BICD1: variants seen among roughly 807,000 people sequenced by gnomAD.
BICD1 encodes protein bicaudal D homolog 1.
In BICD1, 35 loss-of-function variants were observed where a neutral mutation model predicts 92.5. The observed-to-expected ratio is 0.38, with a 90% CI of 0.29 to 0.50. BICD1 has a LOEUF of 0.50. Ranked by LOEUF, BICD1 falls within the 20% of genes least tolerant of loss-of-function variation. The pLI is 0.93. For synonymous variants in BICD1, 429 were observed against 465.1 expected (o/e 0.92, Z 1.00); for missense variants, 950 against 1,189.8 (o/e 0.80, Z 2.97).
At position 32,327,313 on chromosome 12, in the gene BICD1, T is replaced by TA. The variant is rs964709336; in HGVS notation, c.1006-142dup. Reference sequence around the variant, plus strand: ...GATTGACTTACCAGAACTGCTGAAATAAAAAACACTCCAATTTAATTTGAA... The same window carrying TA: ...GATTGACTTACCAGAACTGCTGAAATAAAAAAACACTCCAATTTAATTTGAA... On this transcript the variant is annotated intron_variant, in intron 4 of 9. Coordinates refer to ENST00000652176, the MANE Select transcript of BICD1 (RefSeq NM_001714.4). 3.5e-4 allele frequency: 352 copies of TA among 1,005,082 alleles called. 1 individual carries two copies. Among genetic ancestry groups the TA allele is most frequent in the East Asian group, 1.3e-3 (51 of 40,150 alleles). The allele number at this position is 1,005,082 out of a possible 1,614,324, so 62.3% of individuals were successfully genotyped here. A position where few individuals can be genotyped will look rare whatever the true frequency, so the allele number is the denominator to read the frequency against.
chr12:32,281,324 A>G (rs11051897), intron 2 of BICD1, among the ~76,000 whole-genome samples: 8,935 of 152,234 alleles, frequency 0.059, 870 homozygotes, highest in African/African-American at 0.2. Flanking sequence ...TGCTGATTAC[A>G]TGGTGCTCTG....
At chr12:32,112,579 A>G (rs1941739011) in intron 1 of BICD1, among the ~76,000 whole-genome samples, 1 of 152,224 alleles carries the variant, frequency 6.6e-6, no homozygotes, top group African/African-American at 2.4e-5. Context: ...GGACTTGCCC[A>G]CACATAAGAT....
chr12:32,343,694 A>G (rs1938466763), intron 8 of BICD1, among the ~76,000 whole-genome samples: 1 of 152,114 alleles, frequency 6.6e-6, no homozygotes, highest in Non-Finnish European at 1.5e-5. Flanking sequence ...TCTTTCTCTG[A>G]CACAATGACT....
intron 9 of BICD1, 68 bp from the exon 10 acceptor site, chr12:32,377,472 A>G (rs1172633900): frequency 1.4e-4 from 178 of 1,232,826 alleles, no homozygotes; most frequent in Non-Finnish European, 2.0e-4. Flanking sequence ...TATCTCGTCT[A>G]ACCCCTACCA....
At chr12:32,345,581 C>T (rs115650292) in intron 8 of BICD1, among the ~76,000 whole-genome samples, 150 of 152,054 alleles carry the variant, frequency 9.9e-4, no homozygotes, top group African/African-American at 2.7e-3. Context: ...TTATGCATGC[C>T]GGTTTTTTTC....
At chr12:32,122,243 G>A (rs1037878811) in intron 1 of BICD1, among the ~76,000 whole-genome samples, 2 of 151,378 alleles carry the variant, frequency 1.3e-5, no homozygotes, top group East Asian at 1.9e-4. Context: ...TCAGGAAATC[G>A]AGACCATCCT....
chr12:32,228,988 G>T (rs188188799), intron 2 of BICD1, among the ~76,000 whole-genome samples: 1 of 152,246 alleles, frequency 6.6e-6, no homozygotes, highest in Admixed American at 6.5e-5. Flanking sequence ...CTGGGATCAC[G>T]CCTGTAATCC....
chr12:32,316,793 G>A (rs139766671), intron 4 of BICD1, among the ~76,000 whole-genome samples: 1,556 of 151,864 alleles, frequency 0.01, 27 homozygotes, highest in African/African-American at 0.036. Context: ...CCATGTTGGT[G>A]TGCTGCACCC....
At chr12:32,154,101 G>T (rs770020041) in intron 1 of BICD1, among the ~76,000 whole-genome samples, 1 of 151,990 alleles carries the variant, frequency 6.6e-6, no homozygotes, top group Non-Finnish European at 1.5e-5. Context: ...TTATTGCTGT[G>T]CAGGCAAAAA....
intron 2 of BICD1, among the ~76,000 whole-genome samples, chr12:32,218,404 G>C (rs150505743): frequency 3.0e-4 from 45 of 152,262 alleles, no homozygotes; most frequent in Admixed American, 2.7e-3. Flanking sequence ...TCAGTAGATC[G>C]AGGTAGGACC....
At chr12:32,270,366 T>C (rs1272372539) in intron 2 of BICD1, among the ~76,000 whole-genome samples, 1 of 152,176 alleles carries the variant, frequency 6.6e-6, no homozygotes, top group African/African-American at 2.4e-5. Context: ...TTTCATTTTT[T>C]CTGGAGAATG....
chr12:32,336,043 G>C (rs1938106413), intron 6 of BICD1, among the ~76,000 whole-genome samples: 1 of 152,060 alleles, frequency 6.6e-6, no homozygotes, highest in Non-Finnish European at 1.5e-5. Context: ...AGCTTTATAG[G>C]AGTCCCCCAG....
intron 1 of BICD1, among the ~76,000 whole-genome samples, chr12:32,153,201 G>A (rs1007540116): frequency 6.6e-6 from 1 of 152,120 alleles, no homozygotes. Context: ...TCTTTGCTTA[G>A]AATAATGGCC....
intron 2 of BICD1, among the ~76,000 whole-genome samples, chr12:32,279,394 A>G (rs1947359119): frequency 6.6e-6 from 1 of 152,262 alleles, no homozygotes; most frequent in Admixed American, 6.5e-5. Flanking sequence ...ATAGCTCGAT[A>G]AAGTGATACC....
Position 32,381,570 on chromosome 12 carries a change from A to G in BICD1, c.*3943A>G, listed in dbSNP as rs1940180671. On this transcript the variant is annotated 3_prime_UTR_variant, in exon 10 of 10. Transcript: ENST00000652176. ...TCTCAAATGGAGATCACAAAACATG[A>G]AAAGGAAGAAATGAAATATCTTTTC... 1 of 152,160 alleles carries G rather than the reference A, an allele frequency of 6.6e-6. No individual in the cohort carries two copies. The highest frequency in any genetic ancestry group is 1.5e-5 in the Non-Finnish European group (1 of 67,998). 9.4% of individuals were successfully genotyped at this position (152,160 alleles called of 1,614,324 possible). A position where few individuals can be genotyped will look rare whatever the true frequency, so the allele number is the denominator to read the frequency against.
intron 1 of BICD1, among the ~76,000 whole-genome samples, chr12:32,114,156 C>A (rs754537279): frequency 6.6e-6 from 1 of 152,024 alleles, no homozygotes; most frequent in Non-Finnish European, 1.5e-5. Flanking sequence ...TAGGCATGAG[C>A]CACCGCGCCC....
chr12:32,295,423 G>A (rs1371620251), intron 3 of BICD1, among the ~76,000 whole-genome samples: 1 of 152,082 alleles, frequency 6.6e-6, no homozygotes, highest in African/African-American at 2.4e-5. Flanking sequence ...CAGCCTATGT[G>A]CCAGGTGCTG....
chr12:32,173,874 G>T lies in BICD1; in HGVS notation c.214-42373G>T, dbSNP rs947635026. Among the ~76,000 whole-genome samples the T allele has an allele frequency of 2.0e-5, 3 of 152,146 alleles. No homozygotes were observed. In the South Asian group the frequency reaches 6.2e-4, roughly 32 times the overall value. ...AATGAATGTGAACACTTTAGGAATT[G>T]CTTATTCCACAAATGATTTCTTACC... On this transcript the variant is annotated intron_variant, in intron 1 of 9. Coordinates refer to ENST00000652176, the MANE Select transcript of BICD1 (RefSeq NM_001714.4).
At chr12:32,338,112 C>T in intron 7 of BICD1, 1 of 291,036 alleles carries the variant, frequency 3.4e-6, no homozygotes, top group Non-Finnish European at 6.5e-6. Flanking sequence ...TATGCCTCTC[C>T]CTTACCTCCA....
Sources: gnomAD v4.1 joint callset for allele counts (sites outside exome capture counted in the v4.1 genomes callset) on GRCh38, gnomAD v4.1.1 for gene constraint, MANE v1.5 for transcripts, NCBI Gene and HGNC (gene_info 2026-07-23, HGNC 2026-07-21) for gene names.